LRRC39: variants seen among roughly 807,000 people sequenced by gnomAD.
The protein encoded by LRRC39 is leucine-rich repeat-containing protein 39.
A neutral mutation model predicts 39.7 loss-of-function variants in LRRC39; 35 were observed. The observed-to-expected ratio is 0.88, with a 90% CI of 0.67 to 1.17. The LOEUF (loss-of-function observed/expected upper bound fraction) is 1.17. Among genes scored for constraint, LRRC39 ranks in the 50% most tolerant of loss-of-function variants. LRRC39 has a pLI of 0.00. For missense variants in LRRC39, 357 were observed against 385.8 expected (o/e 0.93, Z 0.62); for synonymous variants, 113 against 134.1 (o/e 0.84, Z 1.09).
intron 8 of LRRC39, among the ~76,000 whole-genome samples, chr1:100,152,869 G>A (rs1658157567): frequency 2.0e-5 from 3 of 152,092 alleles, no homozygotes; most frequent in African/African-American, 7.2e-5. Flanking sequence ...TGGGACTAGA[G>A]GTGCACACCA....
In LRRC39 at chr1:100,168,495, T is replaced by G; in HGVS notation, c.22A>C (p.Thr8Pro). MTENVVC[T>P]GAVNAVKEVW... is the part of the protein sequence containing the mutation. ...TCCTTTACAGCATTGACAGCCCCAG[T>G]ACAAACCACATTTTCTGTCATGATT... The change falls in exon 3 of 10, where the codon ACT becomes CCT. Residue 8 changes from threonine (T) to proline (P), a missense_variant. Transcript: ENST00000370137. 1 of 1,610,708 alleles carries G rather than the reference T, an allele frequency of 6.2e-7. No individual in the cohort carries two copies.
At chr1:100,152,700 GA>G (rs927087626) in intron 8 of LRRC39, among the ~76,000 whole-genome samples, 176 bp from the exon 9 acceptor site, 1 of 149,918 alleles carries the variant, frequency 6.7e-6, no homozygotes, top group Non-Finnish European at 1.5e-5. Flanking sequence ...TTTCCTAAGA[GA>G]AAAAAAAACA....
At chr1:100,155,250 A>G in intron 7 of LRRC39, 47 bp from the exon 8 acceptor site, 1 of 1,461,626 alleles carries the variant, frequency 6.8e-7, no homozygotes, top group Non-Finnish European at 9.1e-7. Flanking sequence ...ATATGAAAAT[A>G]TTGGTTTTGG....
At chr1:100,164,221 G>A (rs1659081540) in intron 3 of LRRC39, among the ~76,000 whole-genome samples, 2 of 152,270 alleles carry the variant, frequency 1.3e-5, no homozygotes, top group South Asian at 4.1e-4. Flanking sequence ...TGTTTAAACT[G>A]TAGGCTTTTT....
intron 4 of LRRC39, 21 bp from the exon 5 acceptor site, chr1:100,159,436 G>T: frequency 1.3e-6 from 2 of 1,562,214 alleles, no homozygotes; most frequent in African/African-American, 2.8e-5. Flanking sequence ...AGAAATGATG[G>T]TTGTTGTATA....
intron 8 of LRRC39, 132 bp from the exon 9 acceptor site, chr1:100,152,656 T>C: frequency 2.3e-6 from 2 of 871,112 alleles, no homozygotes; most frequent in Non-Finnish European, 3.5e-6. Flanking sequence ...AACGACTTGG[T>C]GAGATGTGAT....
chr1:100,165,383 G>A (rs1192366831), intron 3 of LRRC39, among the ~76,000 whole-genome samples: 1 of 152,140 alleles, frequency 6.6e-6, no homozygotes, highest in Non-Finnish European at 1.5e-5. Flanking sequence ...CTGAAATTAA[G>A]TGATTCTTAA....
intron 3 of LRRC39, among the ~76,000 whole-genome samples, chr1:100,165,640 G>A (rs956570130): frequency 3.3e-5 from 5 of 151,960 alleles, no homozygotes; most frequent in African/African-American, 9.7e-5. Flanking sequence ...CCCCACCCTC[G>A]TTTACTGGAA....
chr1:100,175,149 TG>T (rs1232062950), intron 1 of LRRC39, among the ~76,000 whole-genome samples: 1 of 152,208 alleles, frequency 6.6e-6, no homozygotes, highest in Non-Finnish European at 1.5e-5. Context: ...CTCTTTTCTT[TG>T]TAATTTACCC....
At chr1:100,172,575 C>T (rs1659695931) in intron 2 of LRRC39, among the ~76,000 whole-genome samples, 1 of 151,886 alleles carries the variant, frequency 6.6e-6, no homozygotes, top group Non-Finnish European at 1.5e-5. Flanking sequence ...GTAATCCTAG[C>T]ACTTTGGGAG....
intron 8 of LRRC39, among the ~76,000 whole-genome samples, chr1:100,153,484 A>G (rs911662705): frequency 2.6e-5 from 4 of 152,332 alleles, no homozygotes; most frequent in African/African-American, 9.6e-5. Context: ...CTGCACAGTA[A>G]AAGTAATAAT....
rs778998655 is a variant in LRRC39 at position 100,148,582 on chromosome 1, T to A, written c.*460A>T. 6.4e-7 allele frequency: 1 copy of A among 1,553,362 alleles called. No homozygotes were observed. Among genetic ancestry groups the A allele is most frequent in the African/African-American group, 1.4e-5 (1 of 71,686 alleles). On this transcript the variant is annotated 3_prime_UTR_variant, in exon 10 of 10. Transcript: ENST00000370137. ...ACAAAAATAATTTTTTATAAACTTT[T>A]GCAAAATTTTAACAATGTTTTGTGT...
chr1:100,165,339 C>T (rs1659167622), intron 3 of LRRC39, among the ~76,000 whole-genome samples: 1 of 152,162 alleles, frequency 6.6e-6, no homozygotes, highest in Non-Finnish European at 1.5e-5. Flanking sequence ...AGACTGCACA[C>T]TCATTATTCC....
chr1:100,157,525 T>C (rs1052613823), intron 6 of LRRC39, among the ~76,000 whole-genome samples: 10 of 152,226 alleles, frequency 6.6e-5, no homozygotes, highest in African/African-American at 2.4e-4. Flanking sequence ...TTTCATTAAA[T>C]TGAACTATTA....
At chr1:100,149,468 A>C (rs1657734692) in intron 9 of LRRC39, 1 of 1,526,248 alleles carries the variant, frequency 6.6e-7, no homozygotes, top group Non-Finnish European at 8.8e-7. Flanking sequence ...ATTTCACTTA[A>C]TTATTTTGTT....
chr1:100,151,930 A>G (rs575701078), intron 9 of LRRC39, among the ~76,000 whole-genome samples: 2 of 152,282 alleles, frequency 1.3e-5, no homozygotes, highest in East Asian at 3.9e-4. Flanking sequence ...CAGCCTGGGC[A>G]ACATAGTAAG....
At chr1:100,163,758 C>A (rs538793617) in intron 3 of LRRC39, among the ~76,000 whole-genome samples, 3 of 151,982 alleles carry the variant, frequency 2.0e-5, no homozygotes, top group South Asian at 2.1e-4. Flanking sequence ...GGTCTCTAAT[C>A]GAAATTTTAT....
Position 100,178,242 on chromosome 1 carries a change from G to T in LRRC39, c.-226C>A, listed in dbSNP as rs1660085412. 1 of 152,110 alleles carries T rather than the reference G, an allele frequency of 6.6e-6. No individual in the cohort carries two copies. The highest frequency in any genetic ancestry group is 2.1e-4 in the South Asian group (1 of 4,824). The allele number at this position is 152,110 out of a possible 1,614,324, so 9.4% of individuals were successfully genotyped here. On this transcript the variant is annotated 5_prime_UTR_variant, in exon 1 of 10. Coordinates refer to ENST00000370137, the MANE Select transcript of LRRC39 (RefSeq NM_144620.4). ...AAAATCCCCAGTCAGCTGTAACCAA[G>T]TGAAATGTAATGTCAGCCTAGTTCT...
intron 8 of LRRC39, among the ~76,000 whole-genome samples, chr1:100,153,675 A>G (rs1658230111): frequency 6.6e-6 from 1 of 152,338 alleles, no homozygotes; most frequent in African/African-American, 2.4e-5. Context: ...AAAATAATCT[A>G]AAATAATTTT....
Sources: gnomAD v4.1 joint callset for allele counts (sites outside exome capture counted in the v4.1 genomes callset) on GRCh38, gnomAD v4.1.1 for gene constraint, MANE v1.5 for transcripts, NCBI Gene and HGNC (gene_info 2026-07-23, HGNC 2026-07-21) for gene names.